The following PLPPR1 variants were observed in gnomAD, a reference collection of about 807,000 sequenced individuals.
PLPPR1 encodes phospholipid phosphatase-related protein type 1.
PLPPR1 carries 10 observed loss-of-function variants against 33.1 expected under a neutral mutation model. The ratio of observed to expected loss-of-function variants is 0.30; its 90% CI spans 0.19 to 0.51. The LOEUF is 0.51. PLPPR1 is among the 20% of genes least tolerant of loss of function. PLPPR1 has a pLI of 0.97. For synonymous variants in PLPPR1, 151 were observed against 151.0 expected (o/e 1.00, Z 0.00); for missense variants, 304 against 408.1 (o/e 0.74, Z 2.20).
In PLPPR1 at chr9:101,197,976, C is replaced by T. The variant is rs537061559; in HGVS notation, c.63+12419C>T. On this transcript the variant is annotated intron_variant, in intron 2 of 7. Coordinates refer to ENST00000374874, the MANE Select transcript of PLPPR1 (RefSeq NM_207299.2). Reference sequence around the variant, plus strand: ...CTATGTGGTTTTCACCAGTGCCAAGCCTTAGGGAGTATGACTATAAATAAT... The same window carrying T: ...CTATGTGGTTTTCACCAGTGCCAAGTCTTAGGGAGTATGACTATAAATAAT... Among the ~76,000 whole-genome samples, 18 of 152,200 alleles carry T rather than the reference C, an allele frequency of 1.2e-4. 1 individual carries two copies. In the South Asian group the frequency reaches 3.7e-3, roughly 32 times the overall value.
At chr9:101,046,159 T>C (rs1309757748) in intron 1 of PLPPR1, among the ~76,000 whole-genome samples, 2 of 152,232 alleles carry the variant, frequency 1.3e-5, no homozygotes, top group African/African-American at 2.4e-5. Context: ...TTGCTGTGTG[T>C]GGACTTCACC....
At chr9:101,093,909 A>G (rs551125161) in intron 1 of PLPPR1, among the ~76,000 whole-genome samples, 1 of 152,278 alleles carries the variant, frequency 6.6e-6, no homozygotes, top group South Asian at 2.1e-4. Flanking sequence ...GTTTTTCTGA[A>G]AGTGTGATAG....
intron 7 of PLPPR1, chr9:101,322,498 T>C (rs1427086271): frequency 6.7e-6 from 1 of 149,210 alleles, no homozygotes; most frequent in African/African-American, 2.6e-5. Context: ...CCTTGAGCTT[T>C]CTGTCTGATT....
intron 2 of PLPPR1, among the ~76,000 whole-genome samples, chr9:101,235,587 GA>G (rs957004395): frequency 9.2e-5 from 14 of 151,354 alleles, no homozygotes; most frequent in East Asian, 1.9e-4. Context: ...TTTTTTCCAA[GA>G]AAAAAAATAG....
At chr9:101,270,182 G>T (rs1828069282) in intron 3 of PLPPR1, 114 bp downstream of exon 3, 2 of 1,119,426 alleles carry the variant, frequency 1.8e-6, no homozygotes, top group East Asian at 5.1e-5. Flanking sequence ...TTTATCAGTG[G>T]CATCCTATTT....
intron 1 of PLPPR1, among the ~76,000 whole-genome samples, chr9:101,151,561 C>A (rs557031261): frequency 6.6e-6 from 1 of 152,170 alleles, no homozygotes; most frequent in South Asian, 2.1e-4. Flanking sequence ...GAGCTAATTG[C>A]CAGGTTCTCT....
intron 2 of PLPPR1, among the ~76,000 whole-genome samples, chr9:101,257,866 C>A (rs1270303801): frequency 2.6e-5 from 4 of 151,696 alleles, no homozygotes; most frequent in Non-Finnish European, 5.9e-5. Flanking sequence ...TTTTTAAATC[C>A]TTAAGTAAGT....
rs114125568 is a variant in PLPPR1 at position 101,059,619 on chromosome 9, C to G, written c.-46+30517C>G. Among the ~76,000 whole-genome samples the G allele has an allele frequency of 9.2e-3, 1,395 of 152,052 alleles. 63 individuals carry two copies. The East Asian group carries it at 0.14, about 16-fold the overall frequency. On this transcript the variant is annotated intron_variant, in intron 1 of 7. Coordinates refer to ENST00000374874, the MANE Select transcript of PLPPR1 (RefSeq NM_207299.2). ...ATAAGGAACTCAAGCAACTCAATAGCAAAACCACAAATAATCAAATTAAAA... is the reference window on the plus strand; with the variant it reads ...ATAAGGAACTCAAGCAACTCAATAGGAAAACCACAAATAATCAAATTAAAA...
At chr9:101,172,907 A>G (rs377278097) in intron 1 of PLPPR1, among the ~76,000 whole-genome samples, 174 of 152,118 alleles carry the variant, frequency 1.1e-3, no homozygotes, top group African/African-American at 3.9e-3. Flanking sequence ...CCTCATGTCC[A>G]ATGTCTTGAA....
At position 101,288,082 on chromosome 9, in the gene PLPPR1, G is replaced by A. The variant is rs888592002; in HGVS notation, c.385+1846G>A. Among the ~76,000 whole-genome samples the A allele has an allele frequency of 2.0e-5, 3 of 152,240 alleles. No individual in the cohort carries two copies. The South Asian group carries it at 6.2e-4, about 32-fold the overall frequency. On this transcript the variant is annotated intron_variant, in intron 4 of 7. Transcript: ENST00000374874. Reference sequence around the variant, plus strand: ...TTTGTGACCCACCCACTTGGAGCAGGGTCCAAGGAATAAAAATTTTGACTG... The same window carrying A: ...TTTGTGACCCACCCACTTGGAGCAGAGTCCAAGGAATAAAAATTTTGACTG...
At position 101,317,430 on chromosome 9, in the gene PLPPR1, T is replaced by A. The variant is rs1045674628; in HGVS notation, c.879T>A (p.Asp293Glu). The A allele has an allele frequency of 9.3e-6, 15 of 1,613,880 alleles. No individual in the cohort carries two copies. In the Admixed American group the frequency reaches 2.3e-4, roughly 25 times the overall value. Reference protein sequence around the residue: ...QGSPSKPKPEDPRGVPLMAFP... With the variant: ...QGSPSKPKPEEPRGVPLMAFP... ...CTCCTTCCAAACCCAAGCCTGAGGA[T>A]CCCCGTGGAGTACCCCTAATGGCTT... Residue 293 changes from aspartate to glutamate, a missense_variant, in exon 7 of 8, where the codon GAT becomes GAA. By Grantham distance (45) the Asp-to-Glu change is conservative (BLOSUM62 2). Coordinates refer to ENST00000374874, the MANE Select transcript of PLPPR1 (RefSeq NM_207299.2).
At chr9:101,290,479 T>G (rs1166275026) in intron 4 of PLPPR1, among the ~76,000 whole-genome samples, 9 of 152,326 alleles carry the variant, frequency 5.9e-5, no homozygotes, top group African/African-American at 1.9e-4. Context: ...AAACGTGAGA[T>G]TCTAATACAA....
At chr9:101,074,816 A>G (rs1354252536) in intron 1 of PLPPR1, among the ~76,000 whole-genome samples, 1 of 152,146 alleles carries the variant, frequency 6.6e-6, no homozygotes, top group African/African-American at 2.4e-5. Context: ...AATAATAGAA[A>G]CATGTTTGGT....
At chr9:101,065,786 A>G (rs1039294536) in intron 1 of PLPPR1, among the ~76,000 whole-genome samples, 1 of 152,046 alleles carries the variant, frequency 6.6e-6, no homozygotes, top group African/African-American at 2.4e-5. Flanking sequence ...ATACTGTTCC[A>G]AGTGTGACCT....
In PLPPR1 at chr9:101,166,433, A is replaced by G. The variant is rs117878369; in HGVS notation, c.-45-19017A>G. Among the ~76,000 whole-genome samples, 15 of 152,340 alleles carry G rather than the reference A, an allele frequency of 9.8e-5. No homozygotes were observed. In the East Asian group the frequency reaches 2.9e-3, roughly 29 times the overall value. Reference sequence around the variant, plus strand: ...GACACTTAGTGTACAACTGTTGAACAAAATAGGCAAGAAGTTGTGAAACTT... The same window carrying G: ...GACACTTAGTGTACAACTGTTGAACGAAATAGGCAAGAAGTTGTGAAACTT... On this transcript the variant is annotated intron_variant, in intron 1 of 7. Transcript: ENST00000374874.
intron 3 of PLPPR1, among the ~76,000 whole-genome samples, chr9:101,284,948 T>C (rs1156835868): frequency 5.3e-5 from 8 of 152,174 alleles, no homozygotes; most frequent in African/African-American, 1.7e-4. Context: ...AGTGTGGACT[T>C]TGGAATCCAA....
chr9:101,036,087 G>A (rs1830006474), intron 1 of PLPPR1, among the ~76,000 whole-genome samples: 1 of 152,140 alleles, frequency 6.6e-6, no homozygotes, highest in African/African-American at 2.4e-5. Context: ...TTTTTTAAAT[G>A]TTGCATTAAA....
At chr9:101,245,367 A>C (rs1411871523) in intron 2 of PLPPR1, among the ~76,000 whole-genome samples, 2 of 152,006 alleles carry the variant, frequency 1.3e-5, no homozygotes, top group African/African-American at 2.4e-5. Flanking sequence ...TTTTTATTTA[A>C]ATATATAATT....
chr9:101,256,498 C>T (rs1397963897), intron 2 of PLPPR1, among the ~76,000 whole-genome samples: 1 of 152,082 alleles, frequency 6.6e-6, no homozygotes, highest in African/African-American at 2.4e-5. Context: ...AGCAGACAGC[C>T]ACTGCTGACG....
Sources: allele counts gnomAD v4.1 joint callset (sites outside exome capture counted in the v4.1 genomes callset), GRCh38; gene constraint gnomAD v4.1.1; transcripts MANE v1.5; gene names NCBI Gene and HGNC (gene_info 2026-07-23, HGNC 2026-07-21).